GPC1: variants seen among roughly 807,000 people sequenced by gnomAD.
The protein encoded by GPC1 is glypican-1.
Under a neutral mutation model 51.5 loss-of-function variants are expected in GPC1, and 26 were observed. The observed-to-expected ratio is 0.50, with a 90% CI of 0.37 to 0.70. The LOEUF (loss-of-function observed/expected upper bound fraction) is 0.70, where lower values mean the gene tolerates loss of function less well. GPC1 is among the 30% of genes least tolerant of loss of function. GPC1 has a pLI of 0.00. For missense variants in GPC1, 775 were observed against 800.5 expected, an observed-to-expected ratio of 0.97 and a Z score of 0.38; for synonymous variants, 380 against 348.3, an observed-to-expected ratio of 1.09 and a Z score of -1.01.
chr2:240,444,789 G>A (rs538733575), intron 1 of GPC1, among the ~76,000 whole-genome samples: 2 of 152,318 alleles, frequency 1.3e-5, no homozygotes, highest in East Asian at 1.9e-4. Context: ...CATCCTTGGT[G>A]ACTGGGGCTC....
chr2:240,456,338 C>T (rs753917742), intron 1 of GPC1, among the ~76,000 whole-genome samples: 9 of 152,090 alleles, frequency 5.9e-5, no homozygotes, highest in East Asian at 1.9e-4. Flanking sequence ...GGAGTGGGTC[C>T]GCCGGGACCT....
rs551391979 is a variant in GPC1, at chr2:240,444,186, C to T, written c.166+8102C>T. 4.6e-5 allele frequency among the ~76,000 whole-genome samples: 7 copies of T among 152,320 alleles called. No individual in the cohort carries two copies. The South Asian group carries it at 6.2e-4, about 14-fold the overall frequency. The stretch of plus-strand genomic sequence containing the variant: ...CAGCCTCAGCCCAGCCCAGCCGCCA[C>T]GCCCGGTGGGTCTCCTGAGGTCAGA... On this transcript the variant is annotated intron_variant, in intron 1 of 8. Coordinates refer to ENST00000264039, the MANE Select transcript of GPC1 (RefSeq NM_002081.3).
chr2:240,450,622 T>TCCCATTCAGGGGCGTGCCCC (rs1201523024), intron 1 of GPC1: 3 of 470,608 alleles, frequency 6.4e-6, no homozygotes, highest in Non-Finnish European at 1.3e-5. Context: ...ATGTGTGACC[T>TCCCATTCAGGGGCGTGCCCC]CCCATTCAGG....
At chr2:240,461,879 G>T (rs540232027) in intron 2 of GPC1, among the ~76,000 whole-genome samples, 1 of 152,022 alleles carries the variant, frequency 6.6e-6, no homozygotes, top group Non-Finnish European at 1.5e-5. Flanking sequence ...TTCTCAGGGG[G>T]TCACTGAGTC....
intron 1 of GPC1, chr2:240,456,211 C>T (rs1260092187): frequency 2.1e-5 from 5 of 242,558 alleles, no homozygotes; most frequent in South Asian, 1.0e-4. Context: ...TGGCTGACGG[C>T]GCCGAGGAGC....
intron 1 of GPC1, chr2:240,458,506 C>G: frequency 5.6e-6 from 1 of 177,816 alleles, no homozygotes; most frequent in East Asian, 1.4e-4. Context: ...ATACCAGACT[C>G]GTGCCTGGGG....
chr2:240,453,021 G>C (rs751372417), intron 1 of GPC1: 2 of 350,168 alleles, frequency 5.7e-6, no homozygotes, highest in Non-Finnish European at 1.1e-5. Flanking sequence ...CGCTGCGAAG[G>C]GGGTCCCGCG....
chr2:240,437,422 ACAG>A (rs761065564), intron 1 of GPC1, among the ~76,000 whole-genome samples: 1 of 151,892 alleles, frequency 6.6e-6, no homozygotes, highest in East Asian at 2.0e-4. Context: ...GAACCCGCAG[ACAG>A]TCCCTTGGCG....
intron 1 of GPC1, among the ~76,000 whole-genome samples, chr2:240,439,043 G>A (rs1031534519): frequency 6.6e-6 from 1 of 152,218 alleles, no homozygotes; most frequent in Admixed American, 6.5e-5. Flanking sequence ...GCAAGGTTGT[G>A]TCTGGGCATA....
At chr2:240,455,221 A>C (rs934094571) in intron 1 of GPC1, among the ~76,000 whole-genome samples, 4 of 152,168 alleles carry the variant, frequency 2.6e-5, no homozygotes, top group Non-Finnish European at 5.9e-5. Context: ...TGAATCTGCC[A>C]TTAAACAAAT....
At chr2:240,460,152 A>G (rs2074204505) in intron 2 of GPC1, among the ~76,000 whole-genome samples, 1 of 151,972 alleles carries the variant, frequency 6.6e-6, no homozygotes, top group Admixed American at 6.6e-5. Flanking sequence ...GGCCATTTCC[A>G]CAGGGCTGTG....
chr2:240,453,634 C>G (rs1287733033), intron 1 of GPC1, among the ~76,000 whole-genome samples: 1 of 146,394 alleles, frequency 6.8e-6, no homozygotes, highest in Admixed American at 6.7e-5. Context: ...CCCGCCGCAG[C>G]CCCCTCTCCC....
intron 1 of GPC1, chr2:240,456,153 A>C: frequency 3.9e-6 from 1 of 257,984 alleles, no homozygotes; most frequent in East Asian, 1.7e-4. Flanking sequence ...TCGGCGGGGG[A>C]GGCTGAGGCG....
chr2:240,465,572 G>C lies in GPC1; in HGVS notation c.1368G>C (p.Gln456His). The change falls in exon 8 of 9, where the codon CAG (glutamine) becomes CAC (histidine). Residue 456 changes from glutamine to histidine, a missense_variant. Transcript: ENST00000264039. ...AGCCGGACATGACCATCCGGCAGCA[G>C]ATCATGCAGCTGAAGATCATGACCA... The part of the protein sequence containing the change: ...ITKPDMTIRQ[Q>H]IMQLKIMTNR... 3 of 1,613,212 alleles carry C rather than the reference G, an allele frequency of 1.9e-6. No individual in the cohort carries two copies. Among genetic ancestry groups the C allele is most frequent in the Non-Finnish European group, 2.5e-6 (3 of 1,180,014 alleles).
Position 240,466,401 on chromosome 2 carries a change from G to A in GPC1, c.*111G>A. 1 of 668,528 alleles carries A rather than the reference G, an allele frequency of 1.5e-6. No homozygotes were observed. The allele number at this position is 668,528 out of a possible 1,614,324, so 41.4% of individuals were successfully genotyped here. On this transcript the variant is annotated 3_prime_UTR_variant, in exon 9 of 9. Coordinates refer to ENST00000264039, the MANE Select transcript of GPC1 (RefSeq NM_002081.3). ...AGAGGCCTGGGGTGGGACAGGGAGG[G>A]CCGGCGGCTCTGAGCAGGGGCAGGC...
chr2:240,462,199 C>T lies in GPC1; in HGVS notation c.334C>T (p.Gln112Ter). ...TQLRSFDDHF[Q>*]HLLNDSERTL... The stretch of plus-strand genomic sequence containing the variant: ...CCCCTCCCTGTGCGCAGACCACTTC[C>T]AGCACCTGCTGAACGACTCGGAGCG... Residue 112 changes from glutamine to a stop codon, truncating the protein, a stop_gained, in exon 3 of 9, where the codon CAG (glutamine) becomes TAG (stop). Coordinates refer to ENST00000264039, the MANE Select transcript of GPC1 (RefSeq NM_002081.3). LOFTEE classifies it high-confidence loss of function. 1 of 1,594,204 alleles carries T rather than the reference C, an allele frequency of 6.3e-7. No homozygotes were observed. The highest frequency in any genetic ancestry group is 8.6e-7 in the Non-Finnish European group (1 of 1,167,974).
At chr2:240,441,736 T>C (rs950895828) in intron 1 of GPC1, among the ~76,000 whole-genome samples, 1 of 152,156 alleles carries the variant, frequency 6.6e-6, no homozygotes, top group Non-Finnish European at 1.5e-5. Flanking sequence ...CCTGAGCCGC[T>C]TGAAGTCTCC....
At position 240,467,996 on chromosome 2, in the gene GPC1, A is replaced by G. The variant is rs1212586409; in HGVS notation, c.*1706A>G. 3.3e-5 allele frequency: 5 copies of G among 152,238 alleles called. No individual in the cohort carries two copies. Among genetic ancestry groups the G allele is most frequent in the Non-Finnish European group, 7.3e-5 (5 of 68,130 alleles). The allele number at this position is 152,238 out of a possible 1,614,324, so 9.4% of individuals were successfully genotyped here. A position where few individuals can be genotyped will look rare whatever the true frequency, so the allele number is the denominator to read the frequency against. The stretch of plus-strand genomic sequence containing the variant: ...GCCAAGCCTGCTGTGTCCTTCCTCC[A>G]CAAGGTCCCCCCACCGCTCAGTGTC... On this transcript the variant is annotated 3_prime_UTR_variant, in exon 9 of 9. Coordinates refer to ENST00000264039, the MANE Select transcript of GPC1 (RefSeq NM_002081.3).
chr2:240,460,446 G>A (rs1017808860), intron 2 of GPC1, among the ~76,000 whole-genome samples: 6 of 152,106 alleles, frequency 3.9e-5, no homozygotes, highest in African/African-American at 1.2e-4. Flanking sequence ...CCCCAGCGCC[G>A]CTGAGCCCTG....
Sources: allele counts gnomAD v4.1 joint callset (sites outside exome capture counted in the v4.1 genomes callset), GRCh38; gene constraint gnomAD v4.1.1; transcripts MANE v1.5; gene names NCBI Gene and HGNC (gene_info 2026-07-23, HGNC 2026-07-21).